The following GARRE1 variants were observed in gnomAD, a reference collection of about 807,000 sequenced individuals.
GARRE1 encodes granule associated Rac and RHOG effector 1, also known as granule associated Rac and RHOG effector protein 1.
A neutral mutation model predicts 103.2 loss-of-function variants in GARRE1; 49 were observed. That is an observed-to-expected ratio of 0.47 (90% CI 0.38 to 0.60). GARRE1 has a LOEUF of 0.60. Among genes scored for constraint, GARRE1 ranks in the 20% least tolerant of loss-of-function variants. GARRE1 has a pLI of 0.00. For missense variants in GARRE1, 1,199 were observed against 1,370.5 expected, an observed-to-expected ratio of 0.87 and a Z score of 1.98; for synonymous variants, 505 against 532.8, an observed-to-expected ratio of 0.95 and a Z score of 0.72.
intron 2 of GARRE1, among the ~76,000 whole-genome samples, chr19:34,318,109 G>A (rs1049431132): frequency 2.6e-5 from 4 of 152,178 alleles, no homozygotes; most frequent in African/African-American, 9.7e-5. Flanking sequence ...CTTTAGTTTG[G>A]TCCTGGTGAT....
At chr19:34,255,718 C>CA (rs1186484054) in intron 1 of GARRE1, among the ~76,000 whole-genome samples, 8 of 148,982 alleles carry the variant, frequency 5.4e-5, no homozygotes, top group African/African-American at 2.0e-4. Flanking sequence ...AGGCTGGTCT[C>CA]AAAACTTCTG....
In GARRE1 at chr19:34,300,033, C is replaced by G. The variant is rs1478146395; in HGVS notation, c.-441C>G. On this transcript the variant is annotated 5_prime_UTR_variant, in exon 2 of 14. In the 5' UTR this introduces an upstream ATG that the reference lacks. Transcript: ENST00000299505. ...TTACTGCTTTTAAATTGCTGTTGAT[C>G]AGCTTCTGGGTTTTTGGGTTCTAAC... is the stretch of plus-strand genomic sequence containing the variant. 5 of 154,478 alleles carry G rather than the reference C, an allele frequency of 3.2e-5. No individual in the cohort carries two copies. The Admixed American group carries it at 3.3e-4, about 10-fold the overall frequency. 9.6% of individuals were successfully genotyped at this position (154,478 alleles called of 1,614,324 possible). A position where few individuals can be genotyped will look rare whatever the true frequency, so the allele number is the denominator to read the frequency against.
chr19:34,300,419 A>C lies in GARRE1; in HGVS notation c.-55A>C. ...TTATACCTAGCTACAGTTTTGAGAA[A>C]GAAGAATCAGAACCCTGACCCACTT... On this transcript the variant is annotated 5_prime_UTR_variant, in exon 2 of 14. Transcript: ENST00000299505. 1 of 1,503,956 alleles carries C rather than the reference A, an allele frequency of 6.6e-7. No homozygotes were observed. Among genetic ancestry groups the C allele is most frequent in the Non-Finnish European group, 8.9e-7 (1 of 1,125,368 alleles). The allele number at this position is 1,503,956 out of a possible 1,614,324, so 93.2% of individuals were successfully genotyped here.
At chr19:34,325,811 GTCTT>G (rs2074108977) in intron 3 of GARRE1, among the ~76,000 whole-genome samples, 1 of 152,154 alleles carries the variant, frequency 6.6e-6, no homozygotes. Flanking sequence ...CCTTGGATGT[GTCTT>G]TCTTTGTTAC....
intron 10 of GARRE1, 29 bp downstream of exon 10, chr19:34,342,484 G>T (rs766149415): frequency 3.1e-5 from 49 of 1,576,230 alleles, no homozygotes; most frequent in Non-Finnish European, 8.6e-6. Flanking sequence ...CCCTCGCCCA[G>T]TGTCAACAGC....
intron 6 of GARRE1, among the ~76,000 whole-genome samples, chr19:34,328,497 C>A (rs1244747889): frequency 1.3e-5 from 2 of 148,220 alleles, no homozygotes; most frequent in Admixed American, 1.4e-4. Flanking sequence ...CCATTGCACT[C>A]CAACCTGGGC....
chr19:34,274,359 C>T (rs538298395), intron 1 of GARRE1, among the ~76,000 whole-genome samples: 3 of 151,998 alleles, frequency 2.0e-5, no homozygotes, highest in Non-Finnish European at 4.4e-5. Flanking sequence ...GAGCTTAGAT[C>T]GCACCATTGC....
chr19:34,326,830 G>C (rs966166323), intron 3 of GARRE1, among the ~76,000 whole-genome samples: 2 of 151,692 alleles, frequency 1.3e-5, no homozygotes, highest in Non-Finnish European at 2.9e-5. Flanking sequence ...ATAACAAGTA[G>C]GTAAGTCTTT....
At chr19:34,298,712 AAAAT>A (rs2073960624) in intron 1 of GARRE1, among the ~76,000 whole-genome samples, 2 of 149,582 alleles carry the variant, frequency 1.3e-5, no homozygotes, top group African/African-American at 5.1e-5. Flanking sequence ...CATCTCAAAA[AAAAT>A]AATAATAATA....
chr19:34,330,050 A>G lies in GARRE1; in HGVS notation c.1105-139A>G, dbSNP rs939084282. The G allele has an allele frequency of 3.3e-5, 25 of 749,698 alleles. No homozygotes were observed. The African/African-American group carries it at 3.7e-4, about 11-fold the overall frequency. 46.4% of individuals were successfully genotyped at this position (749,698 alleles called of 1,614,324 possible). On this transcript the variant is annotated intron_variant, in intron 6 of 13. Transcript: ENST00000299505. ...CAGTGAGCCATGTTCGTGCCACCGGACTGCAGCTTGGACGATAGAAAAATA... is the reference window on the plus strand; with the variant it reads ...CAGTGAGCCATGTTCGTGCCACCGGGCTGCAGCTTGGACGATAGAAAAATA...
chr19:34,291,615 C>T (rs1297117003), intron 1 of GARRE1, among the ~76,000 whole-genome samples: 1 of 152,128 alleles, frequency 6.6e-6, no homozygotes, highest in Non-Finnish European at 1.5e-5. Context: ...GATTCACTCT[C>T]ACAATAAATT....
At chr19:34,304,516 C>T (rs1395800826) in intron 2 of GARRE1, among the ~76,000 whole-genome samples, 2 of 151,696 alleles carry the variant, frequency 1.3e-5, no homozygotes, top group African/African-American at 2.4e-5. Flanking sequence ...GCTGGGACTG[C>T]AGGCACGTGC....
chr19:34,293,303 A>G (rs2073928008), intron 1 of GARRE1, among the ~76,000 whole-genome samples: 1 of 152,198 alleles, frequency 6.6e-6, no homozygotes, highest in Non-Finnish European at 1.5e-5. Flanking sequence ...TTTCATTTCA[A>G]AAATGAAGCA....
At chr19:34,286,796 C>T (rs1410433986) in intron 1 of GARRE1, among the ~76,000 whole-genome samples, 5 of 152,128 alleles carry the variant, frequency 3.3e-5, no homozygotes, top group Admixed American at 6.6e-5. Context: ...CCACCATGTC[C>T]GGCCTTTGTG....
At chr19:34,330,901 A>AT (rs35469834) in intron 7 of GARRE1, among the ~76,000 whole-genome samples, 107 of 138,422 alleles carry the variant, frequency 7.7e-4, no homozygotes, top group South Asian at 3.7e-3. Context: ...CATCTGGCTA[A>AT]TTTTTTTTTT....
chr19:34,313,507 G>T (rs1429170819), intron 2 of GARRE1, among the ~76,000 whole-genome samples: 1 of 152,192 alleles, frequency 6.6e-6, no homozygotes, highest in African/African-American at 2.4e-5. Context: ...TCTCAGTGCG[G>T]CAACATGGGA....
chr19:34,267,307 T>C (rs1190839145), intron 1 of GARRE1, among the ~76,000 whole-genome samples: 1 of 152,126 alleles, frequency 6.6e-6, no homozygotes, highest in Non-Finnish European at 1.5e-5. Context: ...GAAACCATCC[T>C]CCTACCTCAG....
At chr19:34,275,454 C>T (rs935813715) in intron 1 of GARRE1, among the ~76,000 whole-genome samples, 7 of 151,632 alleles carry the variant, frequency 4.6e-5, no homozygotes, top group African/African-American at 1.7e-4. Flanking sequence ...CTTTTTGTTT[C>T]AATGGATTTA....
At chr19:34,311,749 T>C (rs1399655355) in intron 2 of GARRE1, among the ~76,000 whole-genome samples, 1 of 152,160 alleles carries the variant, frequency 6.6e-6, no homozygotes, top group Non-Finnish European at 1.5e-5. Flanking sequence ...TAGGTGGGAT[T>C]ACAGGCGTGT....
Sources: gnomAD v4.1 joint callset for allele counts (sites outside exome capture counted in the v4.1 genomes callset) on GRCh38, gnomAD v4.1.1 for gene constraint, MANE v1.5 for transcripts, NCBI Gene and HGNC (gene_info 2026-07-23, HGNC 2026-07-21) for gene names.